The following KANSL1 variants were observed in gnomAD, a reference collection of about 807,000 sequenced individuals.
KANSL1 encodes KAT8 regulatory NSL complex subunit 1, also known as MLL1/MLL complex subunit KANSL1.
Under a neutral mutation model 103.6 loss-of-function variants are expected in KANSL1, and 22 were observed. That is an observed-to-expected ratio of 0.21 (90% CI 0.15 to 0.30). KANSL1 has a LOEUF of 0.30. Ranked by LOEUF, KANSL1 falls within the 10% of genes least tolerant of loss-of-function variation. The probability of loss-of-function intolerance (pLI) is 1.00; values close to 1 mark genes in which losing one functional copy is unlikely to be tolerated. For missense variants in KANSL1, 1,337 were observed against 1,399.8 expected, an observed-to-expected ratio of 0.96 and a Z score of 0.72; for synonymous variants, 600 against 527.6, an observed-to-expected ratio of 1.14 and a Z score of -1.88.
At chr17:46,165,280 T>G (rs1277312649) in intron 2 of KANSL1, among the ~76,000 whole-genome samples, 1 of 152,192 alleles carries the variant, frequency 6.6e-6, no homozygotes, top group Non-Finnish European at 1.5e-5. Context: ...TCGCCCAGGC[T>G]GGAGTGCAGT....
At position 46,034,490 on chromosome 17, in the gene KANSL1, G is replaced by T. The variant is rs531748987; in HGVS notation, c.2542-205C>A. 3.2e-5 allele frequency: 16 copies of T among 505,770 alleles called. No homozygotes were observed. In the East Asian group the frequency reaches 6.1e-4, roughly 19 times the overall value. The allele number at this position is 505,770 out of a possible 1,614,324, so 31.3% of individuals were successfully genotyped here. On this transcript the variant is annotated intron_variant, in intron 10 of 14. Coordinates refer to ENST00000432791, the MANE Select transcript of KANSL1 (RefSeq NM_015443.4). ...CGGAGAAATACCAGGTGGTCATGAG[G>T]AGTTAGTCCCATTCATAAGTCCCAC... is the stretch of plus-strand genomic sequence containing the variant.
At position 46,030,966 on chromosome 17, in the gene KANSL1, C is replaced by T. The variant is rs1017445052; in HGVS notation, c.*510G>A. 10 of 155,294 alleles carry T rather than the reference C, an allele frequency of 6.4e-5. No individual in the cohort carries two copies. The highest frequency in any genetic ancestry group is 1.3e-4 in the Non-Finnish European group (9 of 70,240). 9.6% of individuals were successfully genotyped at this position (155,294 alleles called of 1,614,324 possible). A position where few individuals can be genotyped will look rare whatever the true frequency, so the allele number is the denominator to read the frequency against. ...GCAGCTGGCAGTTATGGCAGAGAGGCTCTGGTGGGGATGTTCCAGCACGAA... is the reference window on the plus strand; with the variant it reads ...GCAGCTGGCAGTTATGGCAGAGAGGTTCTGGTGGGGATGTTCCAGCACGAA... On this transcript the variant is annotated 3_prime_UTR_variant, in exon 15 of 15. Coordinates refer to ENST00000432791, the MANE Select transcript of KANSL1 (RefSeq NM_015443.4).
At position 46,031,438 on chromosome 17, in the gene KANSL1, C is replaced by T; in HGVS notation, c.*38G>A. On this transcript the variant is annotated 3_prime_UTR_variant, in exon 15 of 15. Transcript: ENST00000432791. Reference sequence around the variant, plus strand: ...GCAGAGATTTCTGAAGCTTTAATGCCAATAGTTAGTGAGTCTGTTTAGATG... The same window carrying T: ...GCAGAGATTTCTGAAGCTTTAATGCTAATAGTTAGTGAGTCTGTTTAGATG... 3 of 1,526,268 alleles carry T rather than the reference C, an allele frequency of 2.0e-6. No individual in the cohort carries two copies. The highest frequency in any genetic ancestry group is 2.7e-6 in the Non-Finnish European group (3 of 1,120,232). The allele number at this position is 1,526,268 out of a possible 1,614,324, so 94.5% of individuals were successfully genotyped here. A position where few individuals can be genotyped will look rare whatever the true frequency, so the allele number is the denominator to read the frequency against.
intron 1 of KANSL1, among the ~76,000 whole-genome samples, chr17:46,172,488 A>C (rs2147757055): frequency 6.6e-6 from 1 of 152,384 alleles, no homozygotes; most frequent in East Asian, 1.9e-4. Flanking sequence ...GAAAGGTGCC[A>C]AAACACAAGT....
intron 6 of KANSL1, among the ~76,000 whole-genome samples, chr17:46,055,720 A>C (rs1421007185): frequency 6.6e-6 from 1 of 152,172 alleles, no homozygotes; most frequent in East Asian, 1.9e-4. Flanking sequence ...AATACAGGGG[A>C]GTGATCTGGC....
chr17:46,116,975 A>T (rs1380156088), intron 2 of KANSL1, among the ~76,000 whole-genome samples: 1 of 152,258 alleles, frequency 6.6e-6, no homozygotes, highest in Non-Finnish European at 1.5e-5. Context: ...ATTTTTAGAA[A>T]GTATAAAGTT....
intron 1 of KANSL1, chr17:46,222,259 T>C (rs2048555011): frequency 6.8e-6 from 1 of 146,532 alleles, no homozygotes; most frequent in African/African-American, 2.4e-5. Context: ...GATTTAGAGG[T>C]AAAACCTTAA....
chr17:46,039,192 G>A lies in KANSL1; in HGVS notation c.2227C>T (p.Pro743Ser). 1 of 1,591,796 alleles carries A rather than the reference G, an allele frequency of 6.3e-7. No individual in the cohort carries two copies. Among genetic ancestry groups the A allele is most frequent in the Non-Finnish European group, 8.5e-7 (1 of 1,172,356 alleles). Residue 743 changes from proline to serine, a missense_variant, in exon 9 of 15, where the codon CCT (proline) becomes TCT (serine). Physicochemically the swap from Pro to Ser is moderately conservative, Grantham distance 74 (BLOSUM62 -1). Around this residue, in one of 2 missense-constraint regions of KANSL1, gnomAD observed 780 missense variants for 923.4 expected, o/e 0.84. Transcript: ENST00000432791. ...TAKLSHHQTR[P>S]DRTHRQHLDD... ...AAGTGCTGCCTGTGGGTCCTGTCAG[G>A]CCGGGTTTGGTGATGGGACAGCTCT...
chr17:46,053,011 C>T (rs1233550339), intron 6 of KANSL1, among the ~76,000 whole-genome samples: 4 of 115,478 alleles, frequency 3.5e-5, no homozygotes, highest in African/African-American at 6.7e-5. Flanking sequence ...AAAAAGGCTG[C>T]GCATGGTGGC....
chr17:46,041,767 C>T (rs1402748357), intron 7 of KANSL1: 4 of 152,144 alleles, frequency 2.6e-5, no homozygotes, highest in Admixed American at 2.6e-4. Flanking sequence ...GTGCTTTGGG[C>T]TATCTTTCTA....
intron 2 of KANSL1, among the ~76,000 whole-genome samples, chr17:46,138,812 T>C (rs1008309852): frequency 5.3e-5 from 8 of 152,234 alleles, no homozygotes; most frequent in Admixed American, 1.3e-4. Flanking sequence ...AGTCAAAGGA[T>C]CATCACTGTA....
intron 2 of KANSL1, among the ~76,000 whole-genome samples, chr17:46,155,426 G>C (rs564820838): frequency 6.6e-6 from 1 of 152,186 alleles, no homozygotes; most frequent in Admixed American, 6.5e-5. Context: ...CCAAAGTGCT[G>C]AGATTACAGG....
chr17:46,199,578 C>G (rs1461407493), intron 1 of KANSL1, among the ~76,000 whole-genome samples: 1 of 152,206 alleles, frequency 6.6e-6, no homozygotes, highest in African/African-American at 2.4e-5. Context: ...CATAGCATTC[C>G]TTCATTTCAA....
At chr17:46,101,867 G>T (rs1384104450) in intron 2 of KANSL1, among the ~76,000 whole-genome samples, 1 of 148,408 alleles carries the variant, frequency 6.7e-6, no homozygotes, top group Non-Finnish European at 1.5e-5. Context: ...TAAGATTAAA[G>T]AAAAACCTCT....
intron 2 of KANSL1, among the ~76,000 whole-genome samples, chr17:46,128,569 A>G (rs537643056): frequency 4.9e-4 from 75 of 152,360 alleles, no homozygotes; most frequent in Non-Finnish European, 1.3e-4. Flanking sequence ...TTGACAGTCA[A>G]TAACACCTCT....
chr17:46,141,194 C>A (rs2044403194), intron 2 of KANSL1, among the ~76,000 whole-genome samples: 1 of 152,148 alleles, frequency 6.6e-6, no homozygotes. Flanking sequence ...GTTCTTTGAA[C>A]TGAAAATCCT....
At chr17:46,141,205 T>C (rs2044403705) in intron 2 of KANSL1, among the ~76,000 whole-genome samples, 1 of 152,222 alleles carries the variant, frequency 6.6e-6, no homozygotes, top group Non-Finnish European at 1.5e-5. Flanking sequence ...TGAAAATCCT[T>C]TTATATTCCC....
intron 6 of KANSL1, among the ~76,000 whole-genome samples, chr17:46,056,727 C>G (rs191977126): frequency 2.6e-5 from 4 of 152,298 alleles, no homozygotes; most frequent in African/African-American, 7.2e-5. Flanking sequence ...TTAAAAAGGA[C>G]TAATAATACC....
At chr17:46,088,249 G>C (rs1269055638) in intron 3 of KANSL1, among the ~76,000 whole-genome samples, 1 of 152,168 alleles carries the variant, frequency 6.6e-6, no homozygotes, top group Non-Finnish European at 1.5e-5. Flanking sequence ...TTGCAATACA[G>C]CTAACAGGCA....
Sources: allele counts gnomAD v4.1 joint callset (sites outside exome capture counted in the v4.1 genomes callset), GRCh38; gene constraint gnomAD v4.1.1; regional missense constraint gnomAD v4.1.1; transcripts MANE v1.5; gene names NCBI Gene and HGNC (gene_info 2026-07-23, HGNC 2026-07-21).